The following ZAN variants were observed in gnomAD, a reference collection of about 807,000 sequenced individuals.
The protein encoded by ZAN is zonadhesin (gene/pseudogene).
In ZAN, 260 loss-of-function variants were observed where a neutral mutation model predicts 286.2. That is an observed-to-expected ratio of 0.91 (90% confidence interval 0.82 to 1.01). The LOEUF (loss-of-function observed/expected upper bound fraction) is 1.01. Ranked by LOEUF, ZAN falls within the 50% of genes least tolerant of loss-of-function variation. The pLI, the probability that ZAN is intolerant of heterozygous loss-of-function variation, is 0.00. For missense variants in ZAN, 3,410 were observed against 3,639.2 expected (o/e 0.94, Z 1.62); for synonymous variants, 1,368 against 1,417.5 (o/e 0.97, Z 0.79).
chr7:100,751,341 A>T, intron 13 of ZAN, 75 bp downstream of exon 13: 1 of 1,071,986 alleles, frequency 9.3e-7, no homozygotes, highest in Non-Finnish European at 1.3e-6. Flanking sequence ...TGAACTGCTT[A>T]AAATGTGAGT....
intron 45 of ZAN, 76 bp downstream of exon 45, chr7:100,795,412 T>A: frequency 7.5e-7 from 1 of 1,338,418 alleles, no homozygotes; most frequent in Non-Finnish European, 9.7e-7. Context: ...TCTATATGTA[T>A]TATATTCACA....
intron 22 of ZAN, among the ~76,000 whole-genome samples, chr7:100,764,526 A>G (rs1188412694): frequency 6.7e-6 from 1 of 149,768 alleles, no homozygotes; most frequent in Non-Finnish European, 1.5e-5. Context: ...AAATAAATAA[A>G]TAAAAATACA....
At chr7:100,748,559 G>T in intron 11 of ZAN, 89 bp downstream of exon 11, 3 of 1,500,896 alleles carry the variant, frequency 2.0e-6, no homozygotes, top group Non-Finnish European at 2.7e-6. Context: ...GGGAGACGTT[G>T]TTTCAGGCAG....
At position 100,794,178 on chromosome 7, in the gene ZAN, G is replaced by C; in HGVS notation, c.8045G>C (p.Arg2682Pro). The C allele has an allele frequency of 6.2e-7, 1 of 1,614,002 alleles. No individual in the cohort carries two copies. Among genetic ancestry groups the C allele is most frequent in the Non-Finnish European group, 8.5e-7 (1 of 1,179,882 alleles). Residue 2682 changes from arginine to proline, a missense_variant, in exon 44 of 48, where the codon CGG becomes CCG. Arg to Pro is a moderately radical substitution (Grantham distance 103). Transcript: ENST00000613979. ...CSQRCTCASS[R>P]ILLCEPFSCR... ...CAGCGGTGCACCTGTGCCAGCTCAC[G>C]GATCCTGCTGTGTGAGCCCTTCAGC...
At chr7:100,773,949 G>A in intron 31 of ZAN, 84 bp downstream of exon 31, 1 of 1,505,854 alleles carries the variant, frequency 6.6e-7, no homozygotes, top group Non-Finnish European at 8.9e-7. Context: ...GCTGCCTGTA[G>A]CACTGGGTTT....
At chr7:100,747,682 C>A in intron 9 of ZAN, 41 bp downstream of exon 9, 1 of 1,559,344 alleles carries the variant, frequency 6.4e-7, no homozygotes, top group Non-Finnish European at 8.8e-7. Flanking sequence ...ACATGGTAGG[C>A]ACACCCAATG....
rs958308938 is a variant in ZAN, at chr7:100,737,850, C to A, written c.613+501C>A. Reference sequence around the variant, plus strand: ...AGCACAGTGGCTCAGGCCTGTAATCCCAGCACCTTGGGAGGCCAAGGTGGG... The same window carrying A: ...AGCACAGTGGCTCAGGCCTGTAATCACAGCACCTTGGGAGGCCAAGGTGGG... On this transcript the variant is annotated intron_variant, in intron 6 of 47. Transcript: ENST00000613979. Among the ~76,000 whole-genome samples the A allele has an allele frequency of 1.1e-3, 149 of 141,188 alleles. 27 individuals carry two copies. The highest frequency in any genetic ancestry group is 3.5e-3 in the African/African-American group (137 of 38,828). 92.6% of individuals were successfully genotyped at this position (141,188 alleles called of 152,430 possible).
chr7:100,737,079 G>T lies in ZAN; in HGVS notation c.524G>T (p.Arg175Leu). The T allele has an allele frequency of 6.7e-7, 1 of 1,490,586 alleles. No homozygotes were observed. The highest frequency in any genetic ancestry group is 9.2e-7 in the Non-Finnish European group (1 of 1,091,466). The allele number at this position is 1,490,586 out of a possible 1,614,324, so 92.3% of individuals were successfully genotyped here. A position where few individuals can be genotyped will look rare whatever the true frequency, so the allele number is the denominator to read the frequency against. ...TVPAGFTLPT[R>L]LMFEGTRGST... Reference sequence around the variant, plus strand: ...CCCGCAGGGTTCACCCTGCCCACCCGGGTAAGGCCGGGGACAAATTGTGGG... The same window carrying T: ...CCCGCAGGGTTCACCCTGCCCACCCTGGTAAGGCCGGGGACAAATTGTGGG... The change falls in exon 5 of 48, where the codon CGG becomes CTG. Residue 175 changes from arginine to leucine, a missense_variant and splice_region_variant. Arg to Leu is a moderately radical substitution (Grantham distance 102). Transcript: ENST00000613979.
rs10953303 is a variant in ZAN at position 100,767,990 on chromosome 7, G to T, written c.5020G>T (p.Gly1674Cys). 0.24 allele frequency: 380,872 copies of T among 1,612,560 alleles called. 46,544 individuals are homozygous for T. Among genetic ancestry groups the T allele is most frequent in the East Asian group, 0.25 (11,166 of 44,852 alleles). Residue 1674 changes from glycine (G) to cysteine (C), a missense_variant, in exon 26 of 48, where the codon GGC becomes TGC. Gly to Cys is a radical substitution (Grantham distance 159). Coordinates refer to ENST00000613979, the MANE Select transcript of ZAN (RefSeq NM_003386.3). ...VEVTVPSSYG[G>C]QLCGLCGNYN... ...AGTGACAGTCCCCTCCTCCTATGGC[G>T]GCCAGCTCTGTGGGCTGTGTGGTGA... is the stretch of plus-strand genomic sequence containing the variant.
intron 15 of ZAN, among the ~76,000 whole-genome samples, chr7:100,755,985 G>A (rs1809118251): frequency 6.6e-6 from 1 of 152,038 alleles, no homozygotes; most frequent in Non-Finnish European, 1.5e-5. Flanking sequence ...CCACCTCCCG[G>A]GTTCAAGCAA....
chr7:100,734,613 C>T (rs1189026312), intron 2 of ZAN, among the ~76,000 whole-genome samples: 2 of 123,380 alleles, frequency 1.6e-5, no homozygotes, highest in Non-Finnish European at 3.5e-5. Flanking sequence ...AGCGAGACTC[C>T]GTCTCAAAAA....
rs535776712 is a variant in ZAN, at chr7:100,735,466, TTGAGGTGGGAGGA to T, written c.54-252_54-240del. Among the ~76,000 whole-genome samples, 109 of 131,354 alleles carry T rather than the reference TTGAGGTGGGAGGA, an allele frequency of 8.3e-4. 13 individuals are homozygous for T. The highest frequency in any genetic ancestry group is 2.9e-3 in the African/African-American group (105 of 35,804). The allele number at this position is 131,354 out of a possible 152,430, so 86.2% of individuals were successfully genotyped here. The stretch of plus-strand genomic sequence containing the variant: ...CCTGTAGTCCCAGCTACTGGGGAGG[TTGAGGTGGGAGGA>T]TTGCTGGAGCCCAGAGGTTTGAGGC... On this transcript the variant is annotated intron_variant, in intron 2 of 47. Transcript: ENST00000613979.
chr7:100,785,949 G>T, intron 36 of ZAN, 48 bp from the exon 37 acceptor site: 1 of 1,573,868 alleles, frequency 6.4e-7, no homozygotes, highest in African/African-American at 1.3e-5. Flanking sequence ...GTGAGCCGCC[G>T]CGCCCAGCCC....
At position 100,755,088 on chromosome 7, in the gene ZAN, C is replaced by A. The variant is rs1809046231; in HGVS notation, c.3125-138C>A. On this transcript the variant is annotated intron_variant, in intron 14 of 47. Transcript: ENST00000613979. ...TATAGGTGTGAGCCACCGCACCCAG[C>A]CTTCAGGCCTTTTTATGGCTAAATA... The A allele has an allele frequency of 5.9e-6, 6 of 1,020,458 alleles. No individual in the cohort carries two copies. The South Asian group carries it at 8.3e-5, about 14-fold the overall frequency. The allele number at this position is 1,020,458 out of a possible 1,614,324, so 63.2% of individuals were successfully genotyped here.
chr7:100,792,555 GCCCC>G, intron 42 of ZAN, 76 bp downstream of exon 42: 1 of 1,597,482 alleles, frequency 6.3e-7, no homozygotes, highest in Admixed American at 1.7e-5. Context: ...GTGAGGTGTT[GCCCC>G]TCCCTGTGCC....
intron 31 of ZAN, among the ~76,000 whole-genome samples, chr7:100,774,676 A>G (rs1376298507): frequency 6.6e-6 from 1 of 151,780 alleles, no homozygotes; most frequent in Non-Finnish European, 1.5e-5. Flanking sequence ...ATTTTTTTTA[A>G]TTAGTTGAAT....
At chr7:100,758,143 A>G in intron 15 of ZAN, 59 bp from the exon 16 acceptor site, 2 of 1,353,442 alleles carry the variant, frequency 1.5e-6, no homozygotes, top group East Asian at 2.7e-5. Flanking sequence ...AAAGAAAGGC[A>G]AAGGGAGAAG....
At chr7:100,759,593 C>G in intron 17 of ZAN, 128 bp from the exon 18 acceptor site, 1 of 1,259,880 alleles carries the variant, frequency 7.9e-7, no homozygotes, top group East Asian at 2.7e-5. Context: ...CCGGCCTCCC[C>G]TACTGGACTT....
intron 34 of ZAN, 40 bp from the exon 35 acceptor site, chr7:100,779,406 G>A: frequency 6.4e-7 from 1 of 1,558,362 alleles, no homozygotes; most frequent in Non-Finnish European, 8.7e-7. Flanking sequence ...GTCATAGTAG[G>A]GGGACGGCTG....
Sources: gnomAD v4.1 joint callset for allele counts (sites outside exome capture counted in the v4.1 genomes callset) on GRCh38, gnomAD v4.1.1 for gene constraint, MANE v1.5 for transcripts, NCBI Gene and HGNC (gene_info 2026-07-23, HGNC 2026-07-21) for gene names.